TAS2R1: variants seen among roughly 807,000 people sequenced by gnomAD.
The protein encoded by TAS2R1 is taste 2 receptor member 1.
For synonymous variants in TAS2R1, 141 were observed against 134.2 expected, an observed-to-expected ratio of 1.05 and a Z score of -0.35; for missense variants, 370 against 353.4, an observed-to-expected ratio of 1.05 and a Z score of -0.38.
chr5:9,653,747 G>T (rs1282760625), intron 2 of TAS2R1, among the ~76,000 whole-genome samples: 1 of 152,126 alleles, frequency 6.6e-6, no homozygotes, highest in Non-Finnish European at 1.5e-5. Flanking sequence ...GCATGATACT[G>T]TATCACTTAC....
the TAS2R1 span, among the ~76,000 whole-genome samples, chr5:9,886,853 C>A: frequency 6.6e-6 from 1 of 152,006 alleles, no homozygotes; most frequent in Non-Finnish European, 1.5e-5. Context: ...CCAACCTGCA[C>A]ATGTATCCCT....
intron 1 of TAS2R1, among the ~76,000 whole-genome samples, chr5:9,688,745 G>A (rs933828298): frequency 6.6e-5 from 10 of 152,170 alleles, no homozygotes; most frequent in Non-Finnish European, 1.2e-4. Context: ...GTTTCCCAGT[G>A]CCATTCCAGA....
chr5:9,653,499 A>G (rs573431544), intron 2 of TAS2R1, among the ~76,000 whole-genome samples: 1 of 152,254 alleles, frequency 6.6e-6, no homozygotes, highest in East Asian at 1.9e-4. Flanking sequence ...ACTGTTTGTG[A>G]CCCTATTGTC....
the TAS2R1 span, among the ~76,000 whole-genome samples, chr5:9,759,747 G>A: frequency 6.6e-6 from 1 of 152,138 alleles, no homozygotes; most frequent in African/African-American, 2.4e-5. Context: ...TTTTAAAGTG[G>A]TGGTTTATTA....
the TAS2R1 span, among the ~76,000 whole-genome samples, chr5:9,757,893 T>C: frequency 6.9e-3 from 1,022 of 149,156 alleles, 8 homozygotes; most frequent in African/African-American, 0.024. Context: ...TATATAATTT[T>C]AGAAAGTTTA....
chr5:9,836,897 C>T, the TAS2R1 span, among the ~76,000 whole-genome samples: 5 of 152,276 alleles, frequency 3.3e-5, no homozygotes, highest in African/African-American at 4.8e-5. Flanking sequence ...TAATGATGTT[C>T]GACTAAGGAG....
chr5:9,679,860 AG>A (rs1161058657), intron 1 of TAS2R1, among the ~76,000 whole-genome samples: 1 of 152,228 alleles, frequency 6.6e-6, no homozygotes, highest in Non-Finnish European at 1.5e-5. Context: ...TCAGCTGTGC[AG>A]GTCTAATGAA....
At chr5:9,716,904 C>A (rs194060), upstream of TAS2R1, among the ~76,000 whole-genome samples, 101,919 of 151,860 alleles carry the variant, frequency 0.67, 34,431 homozygotes, top group Non-Finnish European at 0.72. Flanking sequence ...ACGATCGATA[C>A]GGAAGACAGA....
At chr5:9,786,669 T>C in the TAS2R1 span, among the ~76,000 whole-genome samples, 23 of 152,308 alleles carry the variant, frequency 1.5e-4, no homozygotes, top group Non-Finnish European at 2.8e-4. Flanking sequence ...GACTCGAATA[T>C]GCAGCAGAAG....
chr5:9,757,769 C>T, the TAS2R1 span, among the ~76,000 whole-genome samples: 1 of 152,038 alleles, frequency 6.6e-6, no homozygotes, highest in South Asian at 2.1e-4. Context: ...ACATAATTAC[C>T]ACTGATAGAA....
At chr5:9,855,025 G>A in the TAS2R1 span, among the ~76,000 whole-genome samples, 5 of 152,196 alleles carry the variant, frequency 3.3e-5, no homozygotes, top group Non-Finnish European at 5.9e-5. Flanking sequence ...CTAAATTTGG[G>A]TTCTAGTACC....
the TAS2R1 span, among the ~76,000 whole-genome samples, chr5:9,895,849 A>C: frequency 1.3e-5 from 2 of 152,238 alleles, no homozygotes; most frequent in African/African-American, 4.8e-5. Flanking sequence ...TCCAGCTGTA[A>C]TCTGATGGAG....
the TAS2R1 span, among the ~76,000 whole-genome samples, chr5:9,743,454 T>G: frequency 6.6e-6 from 1 of 152,206 alleles, no homozygotes; most frequent in South Asian, 2.1e-4. Flanking sequence ...TATCTCCTAA[T>G]GCTATCTTTT....
At chr5:9,790,560 GAAA>G in the TAS2R1 span, among the ~76,000 whole-genome samples, 1 of 151,980 alleles carries the variant, frequency 6.6e-6, no homozygotes, top group Non-Finnish European at 1.5e-5. Flanking sequence ...TGTAAAAAAA[GAAA>G]AAAAGTATCG....
the TAS2R1 span, among the ~76,000 whole-genome samples, chr5:9,883,601 T>C: frequency 6.6e-6 from 1 of 152,170 alleles, no homozygotes; most frequent in African/African-American, 2.4e-5. Context: ...TCTTTCCAGA[T>C]AAAATTGATT....
At chr5:9,762,696 C>T in the TAS2R1 span, among the ~76,000 whole-genome samples, 2 of 152,326 alleles carry the variant, frequency 1.3e-5, no homozygotes, top group South Asian at 4.1e-4. Context: ...GGCTTGACAC[C>T]TGCTAGCTAG....
intron 2 of TAS2R1, among the ~76,000 whole-genome samples, chr5:9,636,160 T>A (rs1739959383): frequency 6.6e-6 from 1 of 151,888 alleles, no homozygotes; most frequent in Non-Finnish European, 1.5e-5. Flanking sequence ...GCTCAAATAA[T>A]TTTTTTTAAT....
At chr5:9,650,991 G>A (rs559437644) in intron 2 of TAS2R1, among the ~76,000 whole-genome samples, 1 of 152,306 alleles carries the variant, frequency 6.6e-6, no homozygotes, top group South Asian at 2.1e-4. Flanking sequence ...ACCAGAGAAT[G>A]CAACCTGAAG....
the TAS2R1 span, among the ~76,000 whole-genome samples, chr5:9,847,704 C>T: frequency 0.058 from 8,870 of 152,234 alleles, 620 homozygotes; most frequent in East Asian, 0.23. Flanking sequence ...AAGCCTTTGA[C>T]GGTCGGTATG....
Sources: allele counts gnomAD v4.1 joint callset (sites outside exome capture counted in the v4.1 genomes callset), GRCh38; gene constraint gnomAD v4.1.1; transcripts MANE v1.5; gene names NCBI Gene and HGNC (gene_info 2026-07-23, HGNC 2026-07-21).